Variants in MOGAT1 observed in about 807,000 individuals in gnomAD.
MOGAT1 encodes the protein monoacylglycerol O-acyltransferase 1.
A neutral mutation model predicts 31.4 loss-of-function variants in MOGAT1; 32 were observed. That is an observed-to-expected ratio of 1.02 (90% CI 0.77 to 1.37). The LOEUF (loss-of-function observed/expected upper bound fraction) is 1.37. Among genes scored for constraint, MOGAT1 ranks in the 40% most tolerant of loss-of-function variants. MOGAT1 has a pLI of 0.00. For missense variants in MOGAT1, 426 were observed against 402.0 expected (o/e 1.06, Z -0.51); for synonymous variants, 145 against 144.5 (o/e 1.00, Z -0.03).
intron 1 of MOGAT1, among the ~76,000 whole-genome samples, chr2:222,680,443 A>T (rs942664314): frequency 1.8e-4 from 28 of 152,220 alleles, no homozygotes; most frequent in Non-Finnish European, 3.7e-4. Flanking sequence ...AACACTTTTT[A>T]AAAGCAGTGT....
chr2:222,683,843 A>G (rs747807270), intron 1 of MOGAT1, among the ~76,000 whole-genome samples: 9 of 152,232 alleles, frequency 5.9e-5, no homozygotes, highest in Non-Finnish European at 1.2e-4. Flanking sequence ...TTTTTAATCC[A>G]GAATAGAGAT....
At chr2:222,708,368 G>A (rs1001786204) in intron 5 of MOGAT1, among the ~76,000 whole-genome samples, 39 of 152,206 alleles carry the variant, frequency 2.6e-4, no homozygotes, top group Admixed American at 1.5e-3. Context: ...ACAGGCGTGA[G>A]ACACTGCGCC....
intron 1 of MOGAT1, among the ~76,000 whole-genome samples, chr2:222,672,906 T>TATTATTATC (rs1223330547): frequency 6.8e-6 from 1 of 147,674 alleles, no homozygotes; most frequent in African/African-American, 2.5e-5. Flanking sequence ...TTATTATTAT[T>TATTATTATC]ATTATTATTA....
At chr2:222,683,960 G>A (rs539676535) in intron 1 of MOGAT1, among the ~76,000 whole-genome samples, 6 of 152,320 alleles carry the variant, frequency 3.9e-5, no homozygotes, top group South Asian at 4.1e-4. Flanking sequence ...ATGTAACAGC[G>A]TAGACCTTTG....
chr2:222,687,137 AAAG>A (rs1692685349), intron 1 of MOGAT1, among the ~76,000 whole-genome samples: 1 of 66,042 alleles, frequency 1.5e-5, no homozygotes, highest in Non-Finnish European at 2.9e-5. Context: ...AAAAAAAAAA[AAAG>A]AAAGAACAAG....
At chr2:222,685,009 A>G (rs532998454) in intron 1 of MOGAT1, among the ~76,000 whole-genome samples, 37 of 152,348 alleles carry the variant, frequency 2.4e-4, no homozygotes, top group African/African-American at 8.2e-4. Flanking sequence ...AGCACTGGTA[A>G]TCAATAGAAT....
intron 1 of MOGAT1, among the ~76,000 whole-genome samples, chr2:222,678,908 T>A (rs1020997665): frequency 1.3e-5 from 2 of 152,148 alleles, no homozygotes; most frequent in African/African-American, 4.8e-5. Context: ...GCCATTGCAC[T>A]CCAGCACCTG....
intron 1 of MOGAT1, chr2:222,677,635 G>A: frequency 9.3e-6 from 3 of 321,176 alleles, no homozygotes; most frequent in African/African-American, 2.2e-5. Context: ...GAAGATGAGG[G>A]CTTTTCCTGG....
intron 1 of MOGAT1, among the ~76,000 whole-genome samples, chr2:222,679,392 C>T (rs10932967): frequency 0.6 from 90,802 of 151,590 alleles, 28,359 homozygotes; most frequent in Middle Eastern, 0.77. Context: ...TTATCAGTTC[C>T]ATATGCATTT....
chr2:222,708,563 T>G (rs1460212639), intron 5 of MOGAT1, among the ~76,000 whole-genome samples: 1 of 152,246 alleles, frequency 6.6e-6, no homozygotes, highest in Non-Finnish European at 1.5e-5. Context: ...TTTTAATTAG[T>G]GTATTTGGAA....
At chr2:222,679,164 G>A (rs975808631) in intron 1 of MOGAT1, among the ~76,000 whole-genome samples, 1 of 152,110 alleles carries the variant, frequency 6.6e-6, no homozygotes, top group African/African-American at 2.4e-5. Flanking sequence ...CTACTGCATT[G>A]CCCTTGTGCC....
chr2:222,705,622 G>A (rs941995659), intron 5 of MOGAT1, among the ~76,000 whole-genome samples: 4 of 152,050 alleles, frequency 2.6e-5, no homozygotes, highest in African/African-American at 7.3e-5. Flanking sequence ...ACCGTCATTC[G>A]GGTTTGTGGT....
At chr2:222,705,001 A>G (rs1301274138) in intron 5 of MOGAT1, among the ~76,000 whole-genome samples, 1 of 152,192 alleles carries the variant, frequency 6.6e-6, no homozygotes, top group Non-Finnish European at 1.5e-5. Context: ...TTAGGAAAGT[A>G]AAGGAATAAA....
chr2:222,675,346 G>A (rs1029337614), intron 1 of MOGAT1, among the ~76,000 whole-genome samples: 18 of 152,136 alleles, frequency 1.2e-4, no homozygotes, highest in African/African-American at 4.3e-4. Flanking sequence ...GTCTACAATT[G>A]GTCAGTGGGT....
chr2:222,700,565 T>C (rs968075922), intron 5 of MOGAT1, among the ~76,000 whole-genome samples: 3 of 152,238 alleles, frequency 2.0e-5, no homozygotes, highest in African/African-American at 7.2e-5. Flanking sequence ...ATGTTTTGTA[T>C]ATGTTTCATA....
intron 5 of MOGAT1, among the ~76,000 whole-genome samples, chr2:222,701,414 AAAAT>A (rs1165038672): frequency 1.9e-4 from 28 of 148,970 alleles, no homozygotes; most frequent in Non-Finnish European, 3.6e-4. Context: ...GAGAGAGAGA[AAAAT>A]AAAGAAAGAA....
intron 1 of MOGAT1, among the ~76,000 whole-genome samples, chr2:222,683,727 A>C (rs1309482691): frequency 6.7e-6 from 1 of 149,302 alleles, no homozygotes; most frequent in Non-Finnish European, 1.5e-5. Flanking sequence ...ACTCCGTTTC[A>C]AAAAAAAAAG....
In MOGAT1 at chr2:222,690,571, GA is replaced by G. The variant is rs960459872; in HGVS notation, c.478+1110del. On this transcript the variant is annotated intron_variant, in intron 3 of 5. Coordinates refer to ENST00000446656, the MANE Select transcript of MOGAT1 (RefSeq NM_058165.3). The stretch of plus-strand genomic sequence containing the variant: ...TACTCCGTCTCAAAAAAGAAAGAAA[GA>G]AAAAAAAGAATTGTTCATGGTCCTC... Among the ~76,000 whole-genome samples, 941 of 151,680 alleles carry G rather than the reference GA, an allele frequency of 6.2e-3. 11 individuals are homozygous for G. The highest frequency in any genetic ancestry group is 0.021 in the African/African-American group (883 of 41,394).
intron 1 of MOGAT1, among the ~76,000 whole-genome samples, chr2:222,673,222 A>C (rs1692447514): frequency 6.7e-6 from 1 of 149,048 alleles, no homozygotes; most frequent in South Asian, 2.1e-4. Flanking sequence ...TCATCCCTGG[A>C]ATTTCTAAGT....
Sources: gnomAD v4.1 joint callset for allele counts (sites outside exome capture counted in the v4.1 genomes callset) on GRCh38, gnomAD v4.1.1 for gene constraint, MANE v1.5 for transcripts, NCBI Gene and HGNC (gene_info 2026-07-23, HGNC 2026-07-21) for gene names.